ZNF407: variants seen among roughly 807,000 people sequenced by gnomAD.
ZNF407 encodes zinc finger protein 407.
Under a neutral mutation model 131.2 loss-of-function variants are expected in ZNF407, and 17 were observed. The observed-to-expected ratio is 0.13, with a 90% CI of 0.09 to 0.19. ZNF407 has a LOEUF of 0.19. Among genes scored for constraint, ZNF407 ranks in the 10% least tolerant of loss-of-function variants. The probability of loss-of-function intolerance (pLI) is 1.00; values close to 1 mark genes in which losing one functional copy is unlikely to be tolerated. For missense variants in ZNF407, 2,681 were observed against 2,830.6 expected (o/e 0.95, Z 1.20); for synonymous variants, 1,156 against 1,062.0 (o/e 1.09, Z -1.72).
intron 4 of ZNF407, among the ~76,000 whole-genome samples, chr18:74,798,209 A>ACACACACACAC (rs1969956783): frequency 6.8e-6 from 1 of 147,836 alleles, no homozygotes; most frequent in Non-Finnish European, 1.5e-5. Context: ...CCTTTACACA[A>ACACACACACAC]ACACACACAC....
chr18:74,758,868 C>A (rs951241383), intron 3 of ZNF407, among the ~76,000 whole-genome samples: 2 of 152,190 alleles, frequency 1.3e-5, no homozygotes, highest in South Asian at 4.1e-4. Flanking sequence ...GCATGAGTCA[C>A]TATGCCTGGC....
chr18:74,935,869 T>C (rs1014127065), intron 8 of ZNF407, among the ~76,000 whole-genome samples: 3 of 152,226 alleles, frequency 2.0e-5, no homozygotes, highest in Non-Finnish European at 2.9e-5. Context: ...AATAATACTT[T>C]AGGTTTCTGT....
intron 3 of ZNF407, among the ~76,000 whole-genome samples, chr18:74,656,959 G>C (rs1451513615): frequency 6.6e-6 from 1 of 151,820 alleles, no homozygotes; most frequent in Non-Finnish European, 1.5e-5. Flanking sequence ...TTAATACTGT[G>C]TTGTATTGCT....
chr18:74,610,849 C>T (rs8093556), intron 1 of ZNF407, among the ~76,000 whole-genome samples: 22,647 of 152,200 alleles, frequency 0.15, 2,013 homozygotes, highest in African/African-American at 0.23. Flanking sequence ...CCACCACGCC[C>T]AGCCTATTTT....
At chr18:75,059,754 T>G (rs1226479833) in intron 8 of ZNF407, among the ~76,000 whole-genome samples, 1 of 151,910 alleles carries the variant, frequency 6.6e-6, no homozygotes, top group Non-Finnish European at 1.5e-5. Flanking sequence ...GCCACCCTCT[T>G]GAGGCTTCTG....
At chr18:74,692,109 G>A (rs1010490854) in intron 3 of ZNF407, among the ~76,000 whole-genome samples, 2 of 151,888 alleles carry the variant, frequency 1.3e-5, no homozygotes, top group Admixed American at 1.3e-4. Context: ...AATAAAAAAT[G>A]TGTGCGTGTG....
intron 3 of ZNF407, among the ~76,000 whole-genome samples, chr18:74,775,888 T>G (rs540881087): frequency 1.4e-5 from 2 of 146,574 alleles, no homozygotes; most frequent in East Asian, 3.9e-4. Flanking sequence ...GGCGGATGTT[T>G]TACACACTTT....
At chr18:74,726,318 C>T (rs1968156926) in intron 3 of ZNF407, among the ~76,000 whole-genome samples, 2 of 152,124 alleles carry the variant, frequency 1.3e-5, no homozygotes, top group African/African-American at 4.8e-5. Context: ...TGTGTGCTTC[C>T]AGTTAATCCC....
chr18:74,614,778 T>C (rs1983213944), intron 1 of ZNF407, among the ~76,000 whole-genome samples: 1 of 152,210 alleles, frequency 6.6e-6, no homozygotes, highest in African/African-American at 2.4e-5. Context: ...GTGGAAGTAA[T>C]AGCACTAGGG....
At chr18:74,945,862 A>G (rs1023584857) in intron 8 of ZNF407, among the ~76,000 whole-genome samples, 2 of 152,140 alleles carry the variant, frequency 1.3e-5, no homozygotes, top group African/African-American at 4.8e-5. Flanking sequence ...TTTTCATTTC[A>G]GTACAACCTG....
At chr18:75,005,667 A>T (rs1228080043) in intron 8 of ZNF407, among the ~76,000 whole-genome samples, 1 of 149,608 alleles carries the variant, frequency 6.7e-6, no homozygotes, top group Non-Finnish European at 1.5e-5. Flanking sequence ...TTGTCTCCTC[A>T]CTCTGAAACC....
At chr18:74,838,007 T>A (rs1172931486) in intron 4 of ZNF407, among the ~76,000 whole-genome samples, 1 of 152,224 alleles carries the variant, frequency 6.6e-6, no homozygotes, top group Non-Finnish European at 1.5e-5. Flanking sequence ...CCTTTACTGT[T>A]CACTACATTT....
At chr18:75,050,076 A>G (rs1973482204) in intron 8 of ZNF407, among the ~76,000 whole-genome samples, 1 of 152,186 alleles carries the variant, frequency 6.6e-6, no homozygotes, top group African/African-American at 2.4e-5. Context: ...TGTGGTTCAA[A>G]TATTTTAGTC....
intron 1 of ZNF407, among the ~76,000 whole-genome samples, chr18:74,617,690 T>C (rs1463354690): frequency 3.3e-5 from 5 of 152,200 alleles, no homozygotes; most frequent in African/African-American, 1.2e-4. Context: ...AGACACACTG[T>C]GTCCATCTGC....
At chr18:74,790,165 A>G (rs921606588) in intron 4 of ZNF407, among the ~76,000 whole-genome samples, 5 of 152,210 alleles carry the variant, frequency 3.3e-5, no homozygotes, top group African/African-American at 1.2e-4. Context: ...CTGTAATAAT[A>G]CTACATGCAT....
chr18:74,905,952 G>C, intron 7 of ZNF407: 1 of 152,296 alleles, frequency 6.6e-6, no homozygotes, highest in East Asian at 1.9e-4. Flanking sequence ...GAGACTTTGG[G>C]TAATTCTGTA....
intron 4 of ZNF407, among the ~76,000 whole-genome samples, chr18:74,850,613 A>G (rs1336346166): frequency 6.6e-6 from 1 of 151,892 alleles, no homozygotes; most frequent in Non-Finnish European, 1.5e-5. Flanking sequence ...GATTACTTAT[A>G]CTCTTTTCTT....
chr18:74,753,684 T>C (rs1461678147), intron 3 of ZNF407, among the ~76,000 whole-genome samples: 2 of 152,248 alleles, frequency 1.3e-5, no homozygotes, highest in East Asian at 1.9e-4. Context: ...TGAACCAGCC[T>C]TGCATCCCAG....
intron 8 of ZNF407, among the ~76,000 whole-genome samples, chr18:75,044,319 G>GT (rs573830403): frequency 4.7e-5 from 7 of 149,148 alleles, no homozygotes; most frequent in East Asian, 3.9e-4. Flanking sequence ...GTTTTGTTGG[G>GT]TTTTTTTTCT....
Sources: allele counts gnomAD v4.1 joint callset (sites outside exome capture counted in the v4.1 genomes callset), GRCh38; gene constraint gnomAD v4.1.1; transcripts MANE v1.5; gene names NCBI Gene and HGNC (gene_info 2026-07-23, HGNC 2026-07-21).